Variants in SPATA18 observed in about 807,000 individuals in gnomAD.
The protein encoded by SPATA18 is spermatogenesis associated 18, also known as mitochondria-eating protein.
In SPATA18, 54 loss-of-function variants were observed where a neutral mutation model predicts 68.1. The observed-to-expected ratio is 0.79, with a 90% CI of 0.64 to 0.99. The LOEUF (loss-of-function observed/expected upper bound fraction) is 0.99, where lower values mean the gene tolerates loss of function less well. SPATA18 is among the 50% of genes least tolerant of loss of function. The probability of loss-of-function intolerance (pLI) is 0.00; values close to 1 mark genes in which losing one functional copy is unlikely to be tolerated. For synonymous variants in SPATA18, 242 were observed against 244.8 expected, an observed-to-expected ratio of 0.99 and a Z score of 0.11; for missense variants, 724 against 681.1, an observed-to-expected ratio of 1.06 and a Z score of -0.70.
chr4:52,077,464 G>A (rs945560560), intron 7 of SPATA18, among the ~76,000 whole-genome samples: 3 of 150,320 alleles, frequency 2.0e-5, no homozygotes, highest in Non-Finnish European at 4.4e-5. Flanking sequence ...ATATTTGGGG[G>A]ATGAATCATC....
intron 5 of SPATA18, among the ~76,000 whole-genome samples, chr4:52,071,286 A>G (rs917968028): frequency 9.2e-5 from 14 of 152,030 alleles, no homozygotes; most frequent in Non-Finnish European, 1.8e-4. Context: ...CTCTTGTTTT[A>G]TGGTGGCCAT....
intron 6 of SPATA18, 75 bp downstream of exon 6, chr4:52,072,231 G>GTAAAATGA: frequency 6.4e-7 from 1 of 1,556,506 alleles, no homozygotes; most frequent in Non-Finnish European, 8.7e-7. Context: ...GAGGAAATAA[G>GTAAAATGA]TAAAATGATA....
At position 52,051,772 on chromosome 4, in the gene SPATA18, T is replaced by G. The variant is rs1560576155; in HGVS notation, c.68T>G (p.Phe23Cys). 6.2e-7 allele frequency: 1 copy of G among 1,614,196 alleles called. No homozygotes were observed. The highest frequency in any genetic ancestry group is 1.6e-4 in the Middle Eastern group (1 of 6,062). ...TLRTLQEKLD[F>C]WLKEYNTNTC... ...CGAACGTTGCAGGAAAAGCTAGACT[T>G]CTGGCTGAAGGAGTACAACGTGAGT... The change falls in exon 1 of 13, where the codon TTC (phenylalanine) becomes TGC (cysteine). Residue 23 changes from phenylalanine (F) to cysteine (C), a missense_variant. Physicochemically the swap from Phe to Cys is radical, Grantham distance 205 (BLOSUM62 -2). Transcript: ENST00000295213.
Position 52,071,972 on chromosome 4 carries a change from A to T in SPATA18, c.574A>T (p.Ser192Cys). 2 of 1,613,820 alleles carry T rather than the reference A, an allele frequency of 1.2e-6. No individual in the cohort carries two copies. Among genetic ancestry groups the T allele is most frequent in the South Asian group, 1.1e-5 (1 of 91,052 alleles). Residue 192 changes from serine to cysteine, a missense_variant, in exon 6 of 13, where the codon AGC (serine) becomes TGC (cysteine). By Grantham distance (112) the Ser-to-Cys change is moderately radical (BLOSUM62 -1). Transcript: ENST00000295213. ...DARHRNTDQR[S>C]SENRRSEPWS... ...CCGCCACAGAAACACAGATCAGAGG[A>T]GCTCAGAGAATAGGCGGTCAGAGCC... is the stretch of plus-strand genomic sequence containing the variant.
chr4:52,062,193 T>G (rs1411415926), intron 3 of SPATA18, 27 bp from the exon 4 acceptor site: 3 of 1,327,418 alleles, frequency 2.3e-6, no homozygotes, highest in African/African-American at 1.5e-5. Flanking sequence ...ACTGTTTTTT[T>G]TTTTTTTTTT....
intron 1 of SPATA18, among the ~76,000 whole-genome samples, chr4:52,052,373 T>C (rs2109394470): frequency 6.6e-6 from 1 of 152,286 alleles, no homozygotes; most frequent in South Asian, 2.1e-4. Flanking sequence ...CAGGGCGGAT[T>C]CAGGCCTTTT....
intron 4 of SPATA18, among the ~76,000 whole-genome samples, chr4:52,063,155 TA>T (rs1306000251): frequency 2.6e-5 from 4 of 152,086 alleles, no homozygotes; most frequent in Admixed American, 6.6e-5. Context: ...AATCTTTTTT[TA>T]AAAAAAATTA....
At chr4:52,077,252 ATCCC>A (rs997185489) in intron 7 of SPATA18, among the ~76,000 whole-genome samples, 19 of 87,902 alleles carry the variant, frequency 2.2e-4, no homozygotes, top group Non-Finnish European at 3.9e-4. Context: ...TGTTCCCTCC[ATCCC>A]TCCCTCCCTC....
chr4:52,089,894 C>G (rs979224402), intron 11 of SPATA18, among the ~76,000 whole-genome samples: 1 of 152,132 alleles, frequency 6.6e-6, no homozygotes, highest in Admixed American at 6.6e-5. Context: ...GTTAAAGTCT[C>G]TCACTATTAT....
At chr4:52,083,053 T>C in intron 10 of SPATA18, 1 of 983,760 alleles carries the variant, frequency 1.0e-6, no homozygotes, top group Non-Finnish European at 1.2e-6. Context: ...GGTTATAGAA[T>C]GTTTTGAACC....
At chr4:52,056,360 T>A (rs1361509542) in intron 1 of SPATA18, among the ~76,000 whole-genome samples, 1 of 152,230 alleles carries the variant, frequency 6.6e-6, no homozygotes, top group African/African-American at 2.4e-5. Context: ...CATTGTCTCT[T>A]CAAATTACTT....
chr4:52,076,825 T>G lies in SPATA18; in HGVS notation c.805T>G (p.Cys269Gly). Residue 269 changes from cysteine to glycine, a missense_variant, in exon 7 of 13, where the codon TGC (cysteine) becomes GGC (glycine). Cys to Gly is a radical substitution (Grantham distance 159). Transcript: ENST00000295213. ...CAGCCCTGCCCCTCGCAGCCGTAGC[T>G]GCAGCCGCAGCAGATCTGCCAGCCC... ...SPSPAPRSRS[C>G]SRSRSASPST... 1 of 1,614,104 alleles carries G rather than the reference T, an allele frequency of 6.2e-7. No homozygotes were observed. The highest frequency in any genetic ancestry group is 8.5e-7 in the Non-Finnish European group (1 of 1,179,982).
At position 52,051,734 on chromosome 4, in the gene SPATA18, A is replaced by C. The variant is rs1160298562; in HGVS notation, c.30A>C (p.Ser10=). The change falls in exon 1 of 13, where the codon TCA becomes TCC. Residue 10 remains serine (S), a synonymous_variant. Coordinates refer to ENST00000295213, the MANE Select transcript of SPATA18 (RefSeq NM_145263.4). MAENLKRLV[S]NETLRTLQEK... is the part of the protein sequence containing the mutation. Reference sequence around the variant, plus strand: ...CGGAAAACCTGAAAAGACTGGTCTCAAACGAAACTTTACGAACGTTGCAGG... The same window carrying C: ...CGGAAAACCTGAAAAGACTGGTCTCCAACGAAACTTTACGAACGTTGCAGG... 1.9e-6 allele frequency: 3 copies of C among 1,614,224 alleles called. No homozygotes were observed.
At chr4:52,054,502 G>C (rs1350503935) in intron 1 of SPATA18, among the ~76,000 whole-genome samples, 1 of 152,150 alleles carries the variant, frequency 6.6e-6, no homozygotes, top group Non-Finnish European at 1.5e-5. Flanking sequence ...TATTCAACAG[G>C]TAATATTCAC....
chr4:52,059,954 A>C (rs1042317972), intron 1 of SPATA18, among the ~76,000 whole-genome samples: 4 of 152,214 alleles, frequency 2.6e-5, no homozygotes, highest in Non-Finnish European at 5.9e-5. Flanking sequence ...GCTATAAAAA[A>C]CAACCTCCAA....
chr4:52,061,653 A>G (rs1329321413), intron 3 of SPATA18, among the ~76,000 whole-genome samples: 1 of 152,044 alleles, frequency 6.6e-6, no homozygotes, highest in Non-Finnish European at 1.5e-5. Context: ...CTAAACATTT[A>G]TGTCTCAATT....
At chr4:52,087,088 TC>T (rs1741501691) in intron 11 of SPATA18, among the ~76,000 whole-genome samples, 1 of 152,232 alleles carries the variant, frequency 6.6e-6, no homozygotes, top group Admixed American at 6.5e-5. Flanking sequence ...TCTGTTCATA[TC>T]CTTTGCCCAC....
intron 1 of SPATA18, among the ~76,000 whole-genome samples, chr4:52,052,206 A>G (rs1737951796): frequency 6.6e-6 from 1 of 152,136 alleles, no homozygotes; most frequent in African/African-American, 2.4e-5. Context: ...ATTTTTTACT[A>G]CAACCCTCTC....
intron 6 of SPATA18, among the ~76,000 whole-genome samples, chr4:52,076,101 G>C (rs533261666): frequency 6.6e-6 from 1 of 152,168 alleles, no homozygotes; most frequent in Non-Finnish European, 1.5e-5. Context: ...GGGATTTTCC[G>C]AGGACTCTGT....
Sources: allele counts gnomAD v4.1 joint callset (sites outside exome capture counted in the v4.1 genomes callset), GRCh38; gene constraint gnomAD v4.1.1; transcripts MANE v1.5; gene names NCBI Gene and HGNC (gene_info 2026-07-23, HGNC 2026-07-21).